The following SSPN variants were observed in gnomAD, a reference collection of about 807,000 sequenced individuals.
The protein encoded by SSPN is K-ras oncogene-associated protein.
Under a neutral mutation model 19.1 loss-of-function variants are expected in SSPN, and 15 were observed. The observed-to-expected ratio is 0.78, with a 90% CI of 0.52 to 1.21. The LOEUF (loss-of-function observed/expected upper bound fraction) is 1.21, where lower values mean the gene tolerates loss of function less well. SSPN is among the 50% of genes most tolerant of loss of function. SSPN has a pLI of 0.00. For missense variants in SSPN, 291 were observed against 314.0 expected, an observed-to-expected ratio of 0.93 and a Z score of 0.55; for synonymous variants, 147 against 140.3, an observed-to-expected ratio of 1.05 and a Z score of -0.34.
chr12:26,211,305 G>A (rs1458575487), intron 1 of SSPN: 1 of 152,096 alleles, frequency 6.6e-6, no homozygotes, highest in Admixed American at 6.6e-5. Context: ...ATATGAAAAT[G>A]AGACCCAAAC....
At chr12:26,152,047 A>T (rs1269733985) in intron 1 of SSPN, among the ~76,000 whole-genome samples, 1 of 152,204 alleles carries the variant, frequency 6.6e-6, no homozygotes, top group Non-Finnish European at 1.5e-5. Context: ...AGTGACTACA[A>T]AGACAATACA....
chr12:26,186,320 G>A (rs1390124301), intron 1 of SSPN, among the ~76,000 whole-genome samples: 1 of 152,088 alleles, frequency 6.6e-6, no homozygotes, highest in African/African-American at 2.4e-5. Context: ...TATGATTTAG[G>A]TTAATAAAAG....
chr12:26,152,475 A>G (rs898911286), intron 1 of SSPN, among the ~76,000 whole-genome samples: 1 of 152,222 alleles, frequency 6.6e-6, no homozygotes, highest in Non-Finnish European at 1.5e-5. Context: ...AAATTTAAGA[A>G]CTGGCTCTTA....
intron 1 of SSPN, among the ~76,000 whole-genome samples, chr12:26,202,600 G>A (rs868114934): frequency 6.6e-6 from 1 of 152,146 alleles, no homozygotes; most frequent in Admixed American, 6.5e-5. Context: ...CTAATGTTTG[G>A]TCTAACAGTT....
chr12:26,123,245 C>G, intron 1 of SSPN: 1 of 1,478,876 alleles, frequency 6.8e-7, no homozygotes, highest in African/African-American at 1.4e-5. Flanking sequence ...AAAACATCTG[C>G]TTATCACGTG....
chr12:26,198,089 C>G (rs1210633502), intron 1 of SSPN, among the ~76,000 whole-genome samples: 1 of 151,866 alleles, frequency 6.6e-6, no homozygotes, highest in Non-Finnish European at 1.5e-5. Context: ...AGGCAGATGG[C>G]AAAGTGCAGA....
chr12:26,124,820 C>T (rs376683112), intron 1 of SSPN: 78 of 1,600,886 alleles, frequency 4.9e-5, no homozygotes, highest in Non-Finnish European at 6.4e-5. Context: ...ATTTTTGGGG[C>T]TCTGTACAAT....
At chr12:26,124,651 C>G in intron 1 of SSPN, 2 of 1,612,360 alleles carry the variant, frequency 1.2e-6, no homozygotes, top group Non-Finnish European at 1.7e-6. Context: ...CTCCATACCA[C>G]TTTCTGGAGA....
chr12:26,191,699 CACACACACACACACACACA>C (rs1211619804), upstream of SSPN, among the ~76,000 whole-genome samples: 155 of 70,720 alleles, frequency 2.2e-3, no homozygotes, highest in African/African-American at 0.012. Flanking sequence ...CACACACACA[CACACACACACACACACACA>C]AATACACACA....
intron 1 of SSPN, among the ~76,000 whole-genome samples, chr12:26,217,065 T>C (rs1352596423): frequency 7.3e-5 from 11 of 150,170 alleles, no homozygotes; most frequent in Admixed American, 2.0e-4. Context: ...CGAGCTCTTT[T>C]TTGGTTCCAT....
At chr12:26,161,182 C>T (rs1352846255) in intron 1 of SSPN, among the ~76,000 whole-genome samples, 7 of 152,036 alleles carry the variant, frequency 4.6e-5, no homozygotes, top group South Asian at 2.1e-4. Context: ...GCATGGCTTC[C>T]GTTTTACTGA....
At chr12:26,136,870 A>G (rs1017230138) in intron 1 of SSPN, among the ~76,000 whole-genome samples, 3 of 152,230 alleles carry the variant, frequency 2.0e-5, no homozygotes, top group Non-Finnish European at 4.4e-5. Context: ...GCTGTCACAT[A>G]GTTCCACATT....
Position 26,122,961 on chromosome 12 carries a change from G to A in SSPN, c.-31+809G>A. On this transcript the variant is annotated intron_variant, in intron 1 of 2. Transcript: ENST00000538142. ...GGGAGCGCCGGTGCCTTTGCTCAGA[G>A]GGACCTGTTGAGTCAACAGCTGCGG... is the stretch of plus-strand genomic sequence containing the variant. 4 of 1,560,256 alleles carry A rather than the reference G, an allele frequency of 2.6e-6. No homozygotes were observed. In the South Asian group the frequency reaches 3.5e-5, roughly 14 times the overall value.
At chr12:26,157,297 A>G (rs1944561630) in intron 1 of SSPN, among the ~76,000 whole-genome samples, 1 of 152,234 alleles carries the variant, frequency 6.6e-6, no homozygotes, top group East Asian at 1.9e-4. Flanking sequence ...CTAGGATACA[A>G]TGATCATGTG....
upstream of SSPN, among the ~76,000 whole-genome samples, chr12:26,191,121 A>G (rs1001581343): frequency 6.6e-6 from 1 of 152,194 alleles, no homozygotes; most frequent in Non-Finnish European, 1.5e-5. Flanking sequence ...GTGGTATTCC[A>G]CTGTATGGAT....
At chr12:26,227,964 C>T (rs1229237107) in intron 2 of SSPN, among the ~76,000 whole-genome samples, 3 of 152,308 alleles carry the variant, frequency 2.0e-5, no homozygotes, top group East Asian at 1.9e-4. Context: ...AGACAAAATT[C>T]CCATTTTCAG....
At chr12:26,141,812 C>A (rs2729648) in intron 1 of SSPN, among the ~76,000 whole-genome samples, 149,281 of 152,328 alleles carry the variant, frequency 0.98, 73,209 homozygotes, top group East Asian at 1. Flanking sequence ...TTAAAAAATG[C>A]ATGAAAACAG....
intron 1 of SSPN, among the ~76,000 whole-genome samples, chr12:26,129,356 G>A (rs999375298): frequency 3.9e-5 from 6 of 152,182 alleles, no homozygotes; most frequent in Admixed American, 1.3e-4. Flanking sequence ...AGGGGATAGC[G>A]GGGTGGGATC....
chr12:26,207,334 A>T (rs916406169), intron 1 of SSPN, among the ~76,000 whole-genome samples: 6 of 152,206 alleles, frequency 3.9e-5, no homozygotes, highest in Non-Finnish European at 8.8e-5. Flanking sequence ...CATAGAAAAA[A>T]ATGCCCACTT....
Sources: allele counts gnomAD v4.1 joint callset (sites outside exome capture counted in the v4.1 genomes callset), GRCh38; gene constraint gnomAD v4.1.1; transcripts MANE v1.5; gene names NCBI Gene and HGNC (gene_info 2026-07-23, HGNC 2026-07-21).